DNAH9: variants seen among roughly 807,000 people sequenced by gnomAD.
The protein encoded by DNAH9 is DNAH9 variant protein.
DNAH9 carries 345 observed loss-of-function variants against 471.6 expected under a neutral mutation model. That is an observed-to-expected ratio of 0.73 (90% confidence interval 0.67 to 0.80). DNAH9 has a LOEUF of 0.80. DNAH9 is among the 30% of genes least tolerant of loss of function. DNAH9 has a pLI of 0.00. For missense variants in DNAH9, 5,407 were observed against 5,609.2 expected (o/e 0.96, Z 1.15); for synonymous variants, 2,093 against 2,123.6 (o/e 0.99, Z 0.40).
At chr17:11,864,968 CTT>C (rs1310729270) in intron 50 of DNAH9, among the ~76,000 whole-genome samples, 1 of 152,190 alleles carries the variant, frequency 6.6e-6, no homozygotes, top group Non-Finnish European at 1.5e-5. Flanking sequence ...GGTCTTGACT[CTT>C]TATCCAATTT....
chr17:11,944,423 G>T (rs1743055479), intron 67 of DNAH9, among the ~76,000 whole-genome samples: 1 of 152,186 alleles, frequency 6.6e-6, no homozygotes, highest in African/African-American at 2.4e-5. Flanking sequence ...GGGTAGGGTT[G>T]TGACAGGTGA....
Position 11,705,145 on chromosome 17 carries a change from G to C in DNAH9, c.5512G>C (p.Gly1838Arg). 6.2e-7 allele frequency: 1 copy of C among 1,614,110 alleles called. No homozygotes were observed. The highest frequency in any genetic ancestry group is 8.5e-7 in the Non-Finnish European group (1 of 1,180,006). The change falls in exon 26 of 69, where the codon GGA becomes CGA. Residue 1838 changes from glycine to arginine, a missense_variant. This residue lies in a region of DNAH9 where 4,636 missense variants were observed against 4,900.3 expected (regional missense o/e 0.95). Transcript: ENST00000262442. ...GTTTTTGTATTCCTATGAGTACCTG[G>C]GAAACACACCTCGCTTGGTGATCAC... is the stretch of plus-strand genomic sequence containing the variant. ...AQFLYSYEYL[G>R]NTPRLVITPL...
rs1400438101 is a variant in DNAH9, at chr17:11,892,012, A to G, written c.11283+65A>G. 3.6e-5 allele frequency: 56 copies of G among 1,567,528 alleles called. No homozygotes were observed. Among genetic ancestry groups the G allele is most frequent in the Non-Finnish European group, 4.2e-5 (48 of 1,145,584 alleles). On this transcript the variant is annotated intron_variant, in intron 58 of 68. Coordinates refer to ENST00000262442, the MANE Select transcript of DNAH9 (RefSeq NM_001372.4). The surrounding 1 kb of genome is among the most constrained non-coding windows in gnomAD (Gnocchi z 4.3). ...TTTTAGTGCCCAGACAGCAGGTGTTAAGAAACTTTCTTCTTTGAACATCAC... is the reference window on the plus strand; with the variant it reads ...TTTTAGTGCCCAGACAGCAGGTGTTGAGAAACTTTCTTCTTTGAACATCAC...
chr17:11,768,519 T>TC lies in DNAH9; in HGVS notation c.7240dup (p.Gln2414ProfsTer6). On this transcript the variant is annotated frameshift_variant, in exon 37 of 69. Transcript: ENST00000262442. LOFTEE classifies it high-confidence loss of function. The stretch of plus-strand genomic sequence containing the variant: ...TGAGTTCAAAACAGTCAAGTTTCCT[T>TC]CCCAAGGAACCATCTTTGACTATTA... The TC allele has an allele frequency of 6.2e-7, 1 of 1,614,154 alleles. No individual in the cohort carries two copies. Among genetic ancestry groups the TC allele is most frequent in the Non-Finnish European group, 8.5e-7 (1 of 1,180,016 alleles).
chr17:11,785,320 G>C (rs1968825157), intron 41 of DNAH9, among the ~76,000 whole-genome samples: 1 of 152,072 alleles, frequency 6.6e-6, no homozygotes, highest in Non-Finnish European at 1.5e-5. Context: ...TTGAGGGAAT[G>C]ATGCCTTTCA....
intron 22 of DNAH9, among the ~76,000 whole-genome samples, chr17:11,698,174 A>ATGTAAT (rs1567728483): frequency 2.1e-4 from 1 of 4,802 alleles, no homozygotes; most frequent in Non-Finnish European, 1.5e-3. Context: ...TATTATATTA[A>ATGTAAT]TATATTATTA....
intron 10 of DNAH9, among the ~76,000 whole-genome samples, chr17:11,642,683 A>G (rs1597422982): frequency 6.6e-6 from 1 of 152,220 alleles, no homozygotes. Flanking sequence ...TCCCAGACCC[A>G]CTCGGCCACA....
chr17:11,727,881 A>T lies in DNAH9; in HGVS notation c.5773A>T (p.Asn1925Tyr), dbSNP rs765391224. 7 of 1,614,128 alleles carry T rather than the reference A, an allele frequency of 4.3e-6. No individual in the cohort carries two copies. The highest frequency in any genetic ancestry group is 5.9e-6 in the Non-Finnish European group (7 of 1,179,992). Reference protein sequence around the residue: ...TGAWGCFDEFNRISVEVLSVV... With the variant: ...TGAWGCFDEFYRISVEVLSVV... ...TGCCTGGGGCTGCTTTGATGAGTTT[A>T]ATCGAATCTCCGTGGAGGTCTTGTC... The change falls in exon 28 of 69, where the codon AAT (asparagine) becomes TAT (tyrosine). Residue 1925 changes from asparagine to tyrosine, a missense_variant. Physicochemically the swap from Asn to Tyr is moderately radical, Grantham distance 143. Transcript: ENST00000262442.
At chr17:11,654,378 A>AAAAAAAAAAAAAAAAG (rs2073589531) in intron 14 of DNAH9, among the ~76,000 whole-genome samples, 1 of 139,312 alleles carries the variant, frequency 7.2e-6, no homozygotes, top group Non-Finnish European at 1.5e-5. Flanking sequence ...AAAAAAAAAA[A>AAAAAAAAAAAAAAAAG]GTTTAAAATC....
At chr17:11,643,331 G>A (rs1262710862) in intron 10 of DNAH9, among the ~76,000 whole-genome samples, 1 of 152,174 alleles carries the variant, frequency 6.6e-6, no homozygotes, top group Non-Finnish European at 1.5e-5. Flanking sequence ...ATGTTTCAGG[G>A]GTAAGAGCTG....
intron 25 of DNAH9, among the ~76,000 whole-genome samples, chr17:11,704,715 C>A (rs1019387637): frequency 2.0e-5 from 3 of 152,022 alleles, no homozygotes; most frequent in African/African-American, 7.3e-5. Flanking sequence ...TCCCAAGTAG[C>A]TGGGATTACA....
intron 56 of DNAH9, chr17:11,884,642 C>G (rs1023521361): frequency 6.7e-6 from 3 of 447,188 alleles, no homozygotes; most frequent in South Asian, 1.6e-5. Flanking sequence ...CATACCCACT[C>G]TGGGGTGAGG....
At chr17:11,817,061 AAAAAAT>A (rs1013516941) in intron 45 of DNAH9, among the ~76,000 whole-genome samples, 23 of 151,526 alleles carry the variant, frequency 1.5e-4, no homozygotes, top group Non-Finnish European at 3.4e-4. Context: ...GTCTCAAAAA[AAAAAAT>A]AATAATAATA....
intron 59 of DNAH9, among the ~76,000 whole-genome samples, chr17:11,895,191 G>A (rs4792191): frequency 0.61 from 92,373 of 151,948 alleles, 30,660 homozygotes; most frequent in Middle Eastern, 0.75. Flanking sequence ...AAACTATAAG[G>A]TTCTTTCAGT....
In DNAH9 at chr17:11,937,451, C is replaced by T. The variant is rs773278004; in HGVS notation, c.12589C>T (p.Arg4197Cys). The change falls in exon 66 of 69, where the codon CGC (arginine) becomes TGC (cysteine). Residue 4197 changes from arginine (R) to cysteine (C), a missense_variant. Arg to Cys is a radical substitution (Grantham distance 180). This residue lies in a region of DNAH9 where 4,636 missense variants were observed against 4,900.3 expected (regional missense o/e 0.95). Transcript: ENST00000262442. The surrounding 1 kb of genome is among the most constrained non-coding windows in gnomAD (Gnocchi z 4.1). ...GACCCAAACCTCAGAAAAGCTCTTC[C>T]GCACTGTGCTGGAGCTGCAGCCTCG... ...FLTQTSEKLF[R>C]TVLELQPRDS... 1.1e-5 allele frequency: 17 copies of T among 1,613,944 alleles called. No individual in the cohort carries two copies. In the South Asian group the frequency reaches 1.1e-4, roughly 10 times the overall value.
chr17:11,668,375 A>G (rs955455000), intron 15 of DNAH9, among the ~76,000 whole-genome samples: 13 of 152,090 alleles, frequency 8.5e-5, no homozygotes, highest in Non-Finnish European at 1.6e-4. Context: ...TGAAAAATCA[A>G]CCTCTTGTTG....
Position 11,727,933 on chromosome 17 carries a change from G to C in DNAH9, c.5814+11G>C. The C allele has an allele frequency of 1.3e-6, 2 of 1,570,100 alleles. No individual in the cohort carries two copies. The highest frequency in any genetic ancestry group is 1.8e-6 in the Non-Finnish European group (2 of 1,139,932). ...GTGGTGGCAGTGCAGGTAAGGGCCA[G>C]AAGTTGGTGGGAGCCTTGTGGTCTT... is the stretch of plus-strand genomic sequence containing the variant. On this transcript the variant is annotated intron_variant, in intron 28 of 68. Coordinates refer to ENST00000262442, the MANE Select transcript of DNAH9 (RefSeq NM_001372.4).
chr17:11,599,532 C>T (rs1376469571), intron 1 of DNAH9, among the ~76,000 whole-genome samples: 2 of 152,160 alleles, frequency 1.3e-5, no homozygotes, highest in African/African-American at 4.8e-5. Context: ...AAGTTGGGCT[C>T]CCATTTGGAA....
intron 62 of DNAH9, among the ~76,000 whole-genome samples, chr17:11,926,035 G>GGAAAAAAAAAAAAAA (rs1567555306): frequency 1.7e-5 from 1 of 59,896 alleles, no homozygotes; most frequent in Non-Finnish European, 2.8e-5. Context: ...GAGATTCTCT[G>GGAAAAAAAAAAAAAA]AAAAAAAAAA....
Sources: allele counts gnomAD v4.1 joint callset (sites outside exome capture counted in the v4.1 genomes callset), GRCh38; gene constraint gnomAD v4.1.1; regional missense constraint gnomAD v4.1.1; non-coding constraint Gnocchi (gnomAD v3.1); transcripts MANE v1.5; gene names NCBI Gene and HGNC (gene_info 2026-07-23, HGNC 2026-07-21).